Variants in MGST2 observed in about 807,000 individuals in gnomAD.
MGST2 encodes glutathione peroxidase MGST2.
MGST2 carries 9 observed loss-of-function variants against 16.6 expected under a neutral mutation model. The observed-to-expected ratio is 0.54, with a 90% CI of 0.33 to 0.95. MGST2 has a LOEUF of 0.95. MGST2 is among the 40% of genes least tolerant of loss of function. The pLI is 0.03. For missense variants in MGST2, 159 were observed against 175.1 expected, an observed-to-expected ratio of 0.91 and a Z score of 0.52; for synonymous variants, 79 against 68.0, an observed-to-expected ratio of 1.16 and a Z score of -0.79.
intron 5 of MGST2, among the ~76,000 whole-genome samples, chr4:139,712,905 T>C (rs913793136): frequency 1.6e-4 from 25 of 152,256 alleles, no homozygotes; most frequent in Admixed American, 1.6e-3. Context: ...TCGTATTGCA[T>C]TTATGCAAAT....
At position 139,716,432 on chromosome 4, in the gene MGST2, T is replaced by G. The variant is rs572897067; in HGVS notation, c.*48+12236T>G. 2.6e-5 allele frequency among the ~76,000 whole-genome samples: 4 copies of G among 152,320 alleles called. No individual in the cohort carries two copies. The East Asian group carries it at 5.8e-4, about 22-fold the overall frequency. ...ATTTTTCCAGTGGAGCCTCCCTACC[T>G]CCAGATGAACTAGTTGGAAATGGAA... On this transcript the variant is annotated intron_variant, in intron 5 of 5. Coordinates refer to the MGST2 transcript ENST00000616265.
At position 139,682,788 on chromosome 4, in the gene MGST2, T is replaced by C. The variant is rs1183409018; in HGVS notation, c.158+4146T>C. On this transcript the variant is annotated intron_variant, in intron 2 of 4. Coordinates refer to ENST00000265498, the MANE Select transcript of MGST2 (RefSeq NM_002413.5). Reference sequence around the variant, plus strand: ...CCTTAGTTCAGCTAAAACTGGGTTCTTGTCACATGGCCAGGAAAGATTAGG... The same window carrying C: ...CCTTAGTTCAGCTAAAACTGGGTTCCTGTCACATGGCCAGGAAAGATTAGG... Among the ~76,000 whole-genome samples, 5 of 152,004 alleles carry C rather than the reference T, an allele frequency of 3.3e-5. No homozygotes were observed. In the East Asian group the frequency reaches 7.7e-4, roughly 23 times the overall value.
chr4:139,703,798 A>T (rs970715707), intron 4 of MGST2, among the ~76,000 whole-genome samples: 1 of 152,226 alleles, frequency 6.6e-6, no homozygotes, highest in Non-Finnish European at 1.5e-5. Flanking sequence ...CGAGGAAATA[A>T]TCCTGCCTAG....
chr4:139,734,878 G>A (rs1402372554), intron 5 of MGST2, among the ~76,000 whole-genome samples: 1 of 152,266 alleles, frequency 6.6e-6, no homozygotes, highest in Non-Finnish European at 1.5e-5. Context: ...CGGGGACCCC[G>A]TGGATAACGG....
chr4:139,745,392 C>G (rs1027011815), downstream of MGST2, among the ~76,000 whole-genome samples: 1 of 152,126 alleles, frequency 6.6e-6, no homozygotes, highest in African/African-American at 2.4e-5. Context: ...TAGAACAGGG[C>G]TGGATCTGGA....
intron 2 of MGST2, among the ~76,000 whole-genome samples, chr4:139,693,673 C>A (rs1303490346): frequency 6.6e-6 from 1 of 152,126 alleles, no homozygotes; most frequent in Non-Finnish European, 1.5e-5. Context: ...GAACGAGAAG[C>A]AGCAGGAGGA....
chr4:139,703,979 C>A, intron 4 of MGST2, 37 bp from the exon 5 acceptor site: 1 of 1,613,524 alleles, frequency 6.2e-7, no homozygotes, highest in Non-Finnish European at 8.5e-7. Context: ...TATTACAGTC[C>A]AGTTTGTCAC....
chr4:139,698,490 G>A (rs137951878), intron 3 of MGST2: 12,333 of 1,188,446 alleles, frequency 0.01, 289 homozygotes, highest in African/African-American at 0.069. Flanking sequence ...GGCTTTTGTA[G>A]CCAGTTGCTT....
chr4:139,703,952 A>T, intron 4 of MGST2, 64 bp from the exon 5 acceptor site: 1 of 1,599,172 alleles, frequency 6.3e-7, no homozygotes, highest in South Asian at 1.1e-5. Context: ...AGCCTACCTC[A>T]GGACTCTCAG....
At chr4:139,730,234 T>C in intron 5 of MGST2, 1 of 622,828 alleles carries the variant, frequency 1.6e-6, no homozygotes, top group Non-Finnish European at 2.8e-6. Context: ...TAATTCATTA[T>C]AGGAAAAACC....
At chr4:139,699,935 G>A (rs1462394365) in intron 3 of MGST2, among the ~76,000 whole-genome samples, 4 of 152,046 alleles carry the variant, frequency 2.6e-5, no homozygotes, top group Admixed American at 6.5e-5. Flanking sequence ...GGGAGGCTGA[G>A]GTGAGAGGAG....
intron 2 of MGST2, among the ~76,000 whole-genome samples, chr4:139,681,169 A>C (rs777433050): frequency 3.9e-5 from 6 of 152,070 alleles, no homozygotes; most frequent in Non-Finnish European, 8.8e-5. Context: ...GATCTGTGCT[A>C]CAATGCCCTG....
At chr4:139,748,149 G>A in the MGST2 span, among the ~76,000 whole-genome samples, 2 of 151,874 alleles carry the variant, frequency 1.3e-5, no homozygotes, top group African/African-American at 2.4e-5. Context: ...ACTGCCCATG[G>A]TATATTCAGC....
chr4:139,692,865 A>G (rs1726692038), intron 2 of MGST2, among the ~76,000 whole-genome samples: 1 of 152,242 alleles, frequency 6.6e-6, no homozygotes, highest in African/African-American at 2.4e-5. Flanking sequence ...GACTTAGGAC[A>G]TTCTTACACA....
At chr4:139,684,332 T>G (rs1474668969) in intron 2 of MGST2, among the ~76,000 whole-genome samples, 2 of 152,008 alleles carry the variant, frequency 1.3e-5, no homozygotes, top group African/African-American at 4.8e-5. Context: ...CTACAACACG[T>G]GGGAATTCAA....
At chr4:139,728,261 C>T (rs1239200024) in intron 5 of MGST2, among the ~76,000 whole-genome samples, 4 of 152,126 alleles carry the variant, frequency 2.6e-5, no homozygotes, top group Non-Finnish European at 5.9e-5. Flanking sequence ...CCTTGTAGAC[C>T]TGCACTTGGA....
At chr4:139,699,247 T>G (rs1727107186) in intron 3 of MGST2, among the ~76,000 whole-genome samples, 1 of 152,220 alleles carries the variant, frequency 6.6e-6, no homozygotes. Flanking sequence ...TATAGTTAAT[T>G]TTATGCAGTT....
At chr4:139,730,658 G>T (rs757265486) in intron 5 of MGST2, 1 of 1,611,960 alleles carries the variant, frequency 6.2e-7, no homozygotes, top group Non-Finnish European at 8.5e-7. Flanking sequence ...AGTCCAACTG[G>T]ATGCTGCTCC....
chr4:139,739,720 TA>T (rs59259375), intron 5 of MGST2, among the ~76,000 whole-genome samples: 29,999 of 134,100 alleles, frequency 0.22, 3,617 homozygotes, highest in African/African-American at 0.35. Flanking sequence ...GTGTTAAAAC[TA>T]AAAAAAAAAA....
Sources: gnomAD v4.1 joint callset for allele counts (sites outside exome capture counted in the v4.1 genomes callset) on GRCh38, gnomAD v4.1.1 for gene constraint, MANE v1.5 for transcripts, NCBI Gene and HGNC (gene_info 2026-07-23, HGNC 2026-07-21) for gene names.